The following NLGN1 variants were observed in gnomAD, a reference collection of about 807,000 sequenced individuals.
NLGN1 encodes the protein neuroligin-1.
In NLGN1, 12 loss-of-function variants were observed where a neutral mutation model predicts 65.5. The ratio of observed to expected loss-of-function variants is 0.18; its 90% CI spans 0.12 to 0.30. The LOEUF (loss-of-function observed/expected upper bound fraction) is 0.30, where lower values mean the gene tolerates loss of function less well. NLGN1 is among the 10% of genes least tolerant of loss of function. NLGN1 has a pLI of 1.00. For synonymous variants in NLGN1, 350 were observed against 359.5 expected (o/e 0.97, Z 0.30); for missense variants, 750 against 1,007.1 (o/e 0.74, Z 3.46).
chr3:173,726,049 A>C (rs762249053), intron 3 of NLGN1, among the ~76,000 whole-genome samples: 23 of 152,054 alleles, frequency 1.5e-4, no homozygotes, highest in Admixed American at 6.6e-4. Context: ...ATGACAACCC[A>C]CCACCTTTGT....
At chr3:174,184,875 G>T (rs997231690) in intron 4 of NLGN1, among the ~76,000 whole-genome samples, 2 of 152,134 alleles carry the variant, frequency 1.3e-5, no homozygotes, top group African/African-American at 4.8e-5. Context: ...AGATTAAAAA[G>T]ATGTCCAAAG....
intron 4 of NLGN1, among the ~76,000 whole-genome samples, chr3:174,061,089 T>G (rs1039921197): frequency 6.6e-6 from 1 of 152,066 alleles, no homozygotes; most frequent in South Asian, 2.1e-4. Context: ...GTTTGAAAAG[T>G]TTTCACTTGG....
chr3:173,586,090 A>G (rs180670693), intron 2 of NLGN1, among the ~76,000 whole-genome samples: 266 of 152,212 alleles, frequency 1.7e-3, no homozygotes, highest in Admixed American at 6.3e-3. Flanking sequence ...TGTGTTCAGT[A>G]GGTTAACGAA....
intron 4 of NLGN1, among the ~76,000 whole-genome samples, chr3:173,967,468 A>G (rs1231204193): frequency 2.0e-5 from 3 of 152,148 alleles, no homozygotes; most frequent in African/African-American, 4.8e-5. Flanking sequence ...ATTTCTACTA[A>G]AAAAGAATTC....
intron 4 of NLGN1, among the ~76,000 whole-genome samples, chr3:173,974,446 T>C (rs1716974282): frequency 6.6e-6 from 1 of 152,066 alleles, no homozygotes; most frequent in Non-Finnish European, 1.5e-5. Context: ...AATCACTTAC[T>C]ATATATAAGT....
intron 2 of NLGN1, among the ~76,000 whole-genome samples, chr3:173,506,546 G>A (rs1401145567): frequency 1.3e-5 from 2 of 151,742 alleles, no homozygotes; most frequent in African/African-American, 2.4e-5. Context: ...GTTGTTACAG[G>A]CATTTTAAAA....
chr3:174,211,491 C>T (rs1384949981), intron 4 of NLGN1, among the ~76,000 whole-genome samples: 4 of 151,540 alleles, frequency 2.6e-5, no homozygotes. Context: ...GAGCTAAACA[C>T]AGGGTGCTGA....
At chr3:173,469,977 T>C (rs1725050378) in intron 2 of NLGN1, among the ~76,000 whole-genome samples, 1 of 148,388 alleles carries the variant, frequency 6.7e-6, no homozygotes, top group South Asian at 2.1e-4. Context: ...TTATGTTAAT[T>C]ATATATGATT....
intron 4 of NLGN1, among the ~76,000 whole-genome samples, chr3:174,065,748 C>T (rs1433844801): frequency 1.3e-5 from 2 of 152,010 alleles, no homozygotes; most frequent in Admixed American, 6.6e-5. Context: ...TTTCTGTTTC[C>T]CTTGTACTCT....
chr3:174,253,132 A>G (rs1193935266), intron 4 of NLGN1, among the ~76,000 whole-genome samples: 1 of 152,136 alleles, frequency 6.6e-6, no homozygotes, highest in Admixed American at 6.5e-5. Context: ...AAATTAGCAA[A>G]TGTTTTAAAA....
chr3:173,964,459 G>A (rs1340036474), intron 4 of NLGN1, among the ~76,000 whole-genome samples: 1 of 152,158 alleles, frequency 6.6e-6, no homozygotes, highest in Non-Finnish European at 1.5e-5. Flanking sequence ...GCAAGACCGG[G>A]ATTTTGTTCT....
At chr3:173,729,868 C>A (rs1488559) in intron 3 of NLGN1, among the ~76,000 whole-genome samples, 120,716 of 151,888 alleles carry the variant, frequency 0.79, 48,219 homozygotes, top group East Asian at 0.87. Context: ...TTTCCATATT[C>A]TGTCAAATGC....
intron 4 of NLGN1, among the ~76,000 whole-genome samples, chr3:174,274,259 A>ATATT (rs1161709180): frequency 1.3e-5 from 2 of 151,754 alleles, no homozygotes; most frequent in East Asian, 2.0e-4. Flanking sequence ...ATGCAAAAAT[A>ATATT]TATTAGAGAA....
chr3:174,011,407 T>C (rs1296863722), intron 4 of NLGN1, among the ~76,000 whole-genome samples: 2 of 152,196 alleles, frequency 1.3e-5, no homozygotes, highest in Non-Finnish European at 2.9e-5. Context: ...GGCCCATTTA[T>C]TTTCATTTCC....
intron 4 of NLGN1, among the ~76,000 whole-genome samples, chr3:174,135,932 A>G (rs1161541780): frequency 6.6e-6 from 1 of 152,138 alleles, no homozygotes; most frequent in Non-Finnish European, 1.5e-5. Flanking sequence ...TTGAGATTCA[A>G]TAAGTAAAAA....
intron 4 of NLGN1, among the ~76,000 whole-genome samples, chr3:173,859,439 G>A (rs1728641336): frequency 6.6e-6 from 1 of 152,082 alleles, no homozygotes; most frequent in South Asian, 2.1e-4. Context: ...CATACCATTA[G>A]CAGGCTACAC....
chr3:173,515,327 T>A (rs1733650131), intron 2 of NLGN1, among the ~76,000 whole-genome samples: 1 of 152,160 alleles, frequency 6.6e-6, no homozygotes, highest in Non-Finnish European at 1.5e-5. Context: ...TTTTAGCCCA[T>A]TTTTAAATTA....
chr3:173,853,285 G>A (rs1727331261), intron 4 of NLGN1, among the ~76,000 whole-genome samples: 1 of 152,180 alleles, frequency 6.6e-6, no homozygotes, highest in African/African-American at 2.4e-5. Flanking sequence ...TCATGCACTT[G>A]TGATGTTCCC....
chr3:173,931,774 G>T (rs897622066), intron 4 of NLGN1, among the ~76,000 whole-genome samples: 3 of 152,092 alleles, frequency 2.0e-5, no homozygotes, highest in Non-Finnish European at 4.4e-5. Context: ...GCATCATTCT[G>T]GCTTCTGTGT....
Sources: gnomAD v4.1 joint callset for allele counts (sites outside exome capture counted in the v4.1 genomes callset) on GRCh38, gnomAD v4.1.1 for gene constraint, MANE v1.5 for transcripts, NCBI Gene and HGNC (gene_info 2026-07-23, HGNC 2026-07-21) for gene names.